MIDN: variants seen among roughly 807,000 people sequenced by gnomAD.
The protein encoded by MIDN is midbrain nucleolar protein.
Under a neutral mutation model 46.1 loss-of-function variants are expected in MIDN, and 26 were observed. The observed-to-expected ratio is 0.56, with a 90% CI of 0.41 to 0.78. The LOEUF is 0.78. Ranked by LOEUF, MIDN falls within the 30% of genes least tolerant of loss-of-function variation. The pLI, the probability that MIDN is intolerant of heterozygous loss-of-function variation, is 0.00. For missense variants in MIDN, 850 were observed against 771.8 expected (o/e 1.10, Z -1.20); for synonymous variants, 432 against 343.3 (o/e 1.26, Z -2.86).
Position 1,255,075 on chromosome 19 carries a change from C to A in MIDN, c.985+14C>A, listed in dbSNP as rs773345326. On this transcript the variant is annotated intron_variant, in intron 7 of 8. Transcript: ENST00000682408. ...GGACCTTCTCTGGTAGGTGTCACAG[C>A]ACATGTGTGAGCTCACGTGTGTCCC... 31 of 1,607,448 alleles carry A rather than the reference C, an allele frequency of 1.9e-5. No individual in the cohort carries two copies. Among genetic ancestry groups the A allele is most frequent in the Non-Finnish European group, 2.6e-5 (31 of 1,175,464 alleles).
At chr19:1,254,787 C>T (rs912958374) in intron 6 of MIDN, 115 bp from the exon 7 acceptor site, 46 of 1,248,576 alleles carry the variant, frequency 3.7e-5, no homozygotes, top group South Asian at 8.3e-5. Flanking sequence ...TATCTCTAAA[C>T]CCTGTGTTGA....
Position 1,251,823 on chromosome 19 carries a change from C to T in MIDN, c.322-16C>T, listed in dbSNP as rs752914096. 10 of 1,611,378 alleles carry T rather than the reference C, an allele frequency of 6.2e-6. No individual in the cohort carries two copies. The highest frequency in any genetic ancestry group is 4.5e-5 in the East Asian group (2 of 44,820). On this transcript the variant is annotated splice_polypyrimidine_tract_variant and intron_variant, in intron 3 of 8. Transcript: ENST00000682408. ...CCGACCCCACACTCAGGCCCCTCTCCTCCCTCTCTTTGTAGTCTCAGGCCT... is the reference window on the plus strand; with the variant it reads ...CCGACCCCACACTCAGGCCCCTCTCTTCCCTCTCTTTGTAGTCTCAGGCCT...
intron 2 of MIDN, 99 bp from the exon 3 acceptor site, chr19:1,251,463 C>G: frequency 1.9e-6 from 2 of 1,067,458 alleles, no homozygotes; most frequent in Admixed American, 5.3e-5. Flanking sequence ...GGAACTTATC[C>G]GTCTCTCCCC....
At chr19:1,250,966 C>A (rs993538491) in intron 2 of MIDN, among the ~76,000 whole-genome samples, 1 of 152,130 alleles carries the variant, frequency 6.6e-6, no homozygotes, top group Admixed American at 6.5e-5. Context: ...TCCCCTCCCC[C>A]CTGGTATTTA....
Position 1,253,996 on chromosome 19 carries a change from T to C in MIDN, c.427T>C (p.Phe143Leu). 1.4e-6 allele frequency: 2 copies of C among 1,395,994 alleles called. No homozygotes were observed. Among genetic ancestry groups the C allele is most frequent in the South Asian group, 3.1e-5 (2 of 64,196 alleles). The allele number at this position is 1,395,994 out of a possible 1,614,324, so 86.5% of individuals were successfully genotyped here. The change falls in exon 5 of 9, where the codon TTC becomes CTC. Residue 143 changes from phenylalanine to leucine, a missense_variant. Coordinates refer to ENST00000682408, the MANE Select transcript of MIDN (RefSeq NM_001388306.1). Reference protein sequence around the residue: ...PGPGRAGGGGFRKYRFILFKR... With the variant: ...PGPGRAGGGGLRKYRFILFKR... The stretch of plus-strand genomic sequence containing the variant: ...GCCGGGCCGGGCTGGCGGAGGAGGC[T>C]TCCGGAAATACAGATTCATTTTATT...
chr19:1,256,057 A>T (rs1180990742), intron 8 of MIDN, among the ~76,000 whole-genome samples: 1 of 152,176 alleles, frequency 6.6e-6, no homozygotes, highest in African/African-American at 2.4e-5. Flanking sequence ...CAGCGAACAC[A>T]ACCCCCCTGC....
intron 7 of MIDN, 54 bp downstream of exon 7, chr19:1,255,115 T>C: frequency 1.9e-6 from 3 of 1,572,426 alleles, no homozygotes; most frequent in Non-Finnish European, 2.6e-6. Flanking sequence ...CCCTGTGCAT[T>C]TGGGGTCTAC....
chr19:1,250,529 C>G lies in MIDN; in HGVS notation c.233C>G (p.Thr78Ser). Residue 78 changes from threonine to serine, a missense_variant and splice_region_variant, in exon 2 of 9, where the codon ACC (threonine) becomes AGC (serine). By Grantham distance (58) the Thr-to-Ser change is moderately conservative. Transcript: ENST00000682408. ...CGCCTGGCTCTTCTCCACAAAGACA[C>G]GTAGGTACCGCGCGCCCCCGGCCGG... is the stretch of plus-strand genomic sequence containing the variant. Reference protein sequence around the residue: ...KERLALLHKDTRLSSGKLQEF... With the variant: ...KERLALLHKDSRLSSGKLQEF... 13 of 1,242,956 alleles carry G rather than the reference C, an allele frequency of 1.0e-5. 1 individual carries two copies. The highest frequency in any genetic ancestry group is 1.3e-5 in the Non-Finnish European group (13 of 968,062). The allele number at this position is 1,242,956 out of a possible 1,614,324, so 77.0% of individuals were successfully genotyped here.
chr19:1,255,297 C>T, intron 7 of MIDN, 125 bp from the exon 8 acceptor site: 1 of 1,312,234 alleles, frequency 7.6e-7, no homozygotes, highest in Non-Finnish European at 1.0e-6. Flanking sequence ...CCCGTGGTCC[C>T]TCGTGCACAT....
At chr19:1,256,656 G>A (rs1221123583) in intron 8 of MIDN, among the ~76,000 whole-genome samples, 1 of 152,138 alleles carries the variant, frequency 6.6e-6, no homozygotes, top group African/African-American at 2.4e-5. Flanking sequence ...TGGGACTCCA[G>A]GCAAACACCA....
In MIDN at chr19:1,249,985, C is replaced by G. The variant is rs1383387484; in HGVS notation, c.-312C>G. Reference sequence around the variant, plus strand: ...ACGGCACCCAGCGCCACCAGCCGAGCGGCGCCCCCTCCCCAGGACCCTTAA... The same window carrying G: ...ACGGCACCCAGCGCCACCAGCCGAGGGGCGCCCCCTCCCCAGGACCCTTAA... On this transcript the variant is annotated 5_prime_UTR_variant, in exon 2 of 9. Transcript: ENST00000682408. 1.3e-5 allele frequency: 2 copies of G among 151,958 alleles called. No homozygotes were observed. Among genetic ancestry groups the G allele is most frequent in the South Asian group, 2.1e-4 (1 of 4,822 alleles). The allele number at this position is 151,958 out of a possible 1,614,324, so 9.4% of individuals were successfully genotyped here.
rs1232410053 is a variant in MIDN at position 1,257,555 on chromosome 19, C to T, written c.*283C>T. 2.6e-6 allele frequency: 1 copy of T among 392,122 alleles called. No homozygotes were observed. Among genetic ancestry groups the T allele is most frequent in the Admixed American group, 4.4e-5 (1 of 22,566 alleles). The allele number at this position is 392,122 out of a possible 1,614,324, so 24.3% of individuals were successfully genotyped here. A position where few individuals can be genotyped will look rare whatever the true frequency, so the allele number is the denominator to read the frequency against. On this transcript the variant is annotated 3_prime_UTR_variant, in exon 9 of 9. Coordinates refer to ENST00000682408, the MANE Select transcript of MIDN (RefSeq NM_001388306.1). ...TCCTCCTCCGTCTGTCTCCTTTCAC[C>T]TCTGCGCCAGGTCGGTCCTCCCTGC...
In MIDN at chr19:1,257,583, A is replaced by G. The variant is rs1479446562; in HGVS notation, c.*311A>G. On this transcript the variant is annotated 3_prime_UTR_variant, in exon 9 of 9. Coordinates refer to ENST00000682408, the MANE Select transcript of MIDN (RefSeq NM_001388306.1). ...TGCGCCAGGTCGGTCCTCCCTGCCA[A>G]CCTTCCCCAGCTCCAATATGTAGCA... 1.5e-5 allele frequency: 5 copies of G among 330,248 alleles called. No homozygotes were observed. In the Admixed American group the frequency reaches 2.4e-4, roughly 16 times the overall value. The allele number at this position is 330,248 out of a possible 1,614,324, so 20.5% of individuals were successfully genotyped here. A position where few individuals can be genotyped will look rare whatever the true frequency, so the allele number is the denominator to read the frequency against.
chr19:1,252,589 G>A (rs2081145180), intron 4 of MIDN, among the ~76,000 whole-genome samples: 1 of 151,992 alleles, frequency 6.6e-6, no homozygotes, highest in African/African-American at 2.4e-5. Context: ...CTTGGCTGCG[G>A]CCAAGCCTTC....
chr19:1,253,413 C>T (rs1239210368), intron 4 of MIDN, among the ~76,000 whole-genome samples: 3 of 102,626 alleles, frequency 2.9e-5, no homozygotes, highest in Non-Finnish European at 3.8e-5. Context: ...TTCTCAGAAA[C>T]CTCCGCCACC....
chr19:1,255,051 G>A lies in MIDN; in HGVS notation c.975G>A (p.Gly325=). 2.5e-6 allele frequency: 4 copies of A among 1,612,410 alleles called. No individual in the cohort carries two copies. The highest frequency in any genetic ancestry group is 1.3e-5 in the African/African-American group (1 of 74,958). Residue 325 remains glycine, a synonymous_variant, in exon 7 of 9, where the codon GGG becomes GGA. Coordinates refer to ENST00000682408, the MANE Select transcript of MIDN (RefSeq NM_001388306.1). ...ATCACGCCCCGGGGGTCTTCTCAGG[G>A]ACCTTCTCTGGTAGGTGTCACAGCA... is the stretch of plus-strand genomic sequence containing the variant. The part of the protein sequence containing the change: ...FVNHAPGVFS[G]TFSGTLHPNC...
chr19:1,254,757 C>A, intron 6 of MIDN, 145 bp from the exon 7 acceptor site: 1 of 1,010,970 alleles, frequency 9.9e-7, no homozygotes, highest in Non-Finnish European at 1.5e-6. Flanking sequence ...TGGTTGTGAC[C>A]TCGTGACCTT....
rs145605347 is a variant in MIDN at position 1,254,957 on chromosome 19, C to T, written c.881C>T (p.Thr294Met). 11 of 1,612,606 alleles carry T rather than the reference C, an allele frequency of 6.8e-6. No individual in the cohort carries two copies. Among genetic ancestry groups the T allele is most frequent in the African/African-American group, 4.0e-5 (3 of 74,884 alleles). ...AGTGCCAGTCCTGGTGCCAGCACCA[C>T]GTCTACCCCAGGGGCCAGCCCTGCC... ...SSSASPGAST[T>M]STPGASPAPR... The change falls in exon 7 of 9, where the codon ACG becomes ATG. Residue 294 changes from threonine to methionine, a missense_variant. Thr to Met is a moderately conservative substitution (Grantham distance 81). Coordinates refer to ENST00000682408, the MANE Select transcript of MIDN (RefSeq NM_001388306.1).
In MIDN at chr19:1,255,592, C is replaced by T. The variant is rs760387260; in HGVS notation, c.1156C>T (p.Pro386Ser). The change falls in exon 8 of 9, where the codon CCC becomes TCC. Residue 386 changes from proline to serine, a missense_variant. Transcript: ENST00000682408. Reference sequence around the variant, plus strand: ...CCAGTGCTCCCCGGCCTCACCGGCCCCCGACCTGGCCCCCAGAACTACCTC... The same window carrying T: ...CCAGTGCTCCCCGGCCTCACCGGCCTCCGACCTGGCCCCCAGAACTACCTC... ...HAQCSPASPAPDLAPRTTSCE... is the reference protein window; with the variant it reads ...HAQCSPASPASDLAPRTTSCE... 4 of 1,610,302 alleles carry T rather than the reference C, an allele frequency of 2.5e-6. No homozygotes were observed. The highest frequency in any genetic ancestry group is 3.4e-6 in the Non-Finnish European group (4 of 1,179,276).
Sources: gnomAD v4.1 joint callset for allele counts (sites outside exome capture counted in the v4.1 genomes callset) on GRCh38, gnomAD v4.1.1 for gene constraint, MANE v1.5 for transcripts, NCBI Gene and HGNC (gene_info 2026-07-23, HGNC 2026-07-21) for gene names.